Variants in ITIH2 observed in about 807,000 individuals in gnomAD.
ITIH2 encodes inter-alpha-trypsin inhibitor heavy chain 2.
In ITIH2, 103 loss-of-function variants were observed where a neutral mutation model predicts 104.4. That is an observed-to-expected ratio of 0.99 (90% CI 0.84 to 1.16). The LOEUF (loss-of-function observed/expected upper bound fraction) is 1.16. Among genes scored for constraint, ITIH2 ranks in the 50% most tolerant of loss-of-function variants. The pLI is 0.00. For missense variants in ITIH2, 1,108 were observed against 1,162.4 expected, an observed-to-expected ratio of 0.95 and a Z score of 0.68; for synonymous variants, 436 against 435.4, an observed-to-expected ratio of 1.00 and a Z score of -0.02.
At chr10:7,710,314 G>T (rs1157611008) in intron 4 of ITIH2, among the ~76,000 whole-genome samples, 2 of 152,212 alleles carry the variant, frequency 1.3e-5, no homozygotes, top group Non-Finnish European at 2.9e-5. Flanking sequence ...ATAAAAGAAG[G>T]TTAAACTACT....
chr10:7,721,511 A>C (rs1283460265), intron 7 of ITIH2, 138 bp from the exon 8 acceptor site: 2 of 701,266 alleles, frequency 2.9e-6, no homozygotes, highest in Admixed American at 2.6e-5. Context: ...CCTTCCCATC[A>C]GTAATGGGTC....
intron 8 of ITIH2, among the ~76,000 whole-genome samples, 175 bp downstream of exon 8, chr10:7,721,952 G>A (rs916695937): frequency 3.9e-5 from 6 of 152,112 alleles, no homozygotes; most frequent in Admixed American, 3.9e-4. Flanking sequence ...TATCTTTTAT[G>A]TATTAAAAAC....
rs113527063 is a variant in ITIH2, at chr10:7,731,079, C to G, written c.1462-732C>G. On this transcript the variant is annotated intron_variant, in intron 12 of 20. Transcript: ENST00000358415. ...GATTACAGGCATGTGCCACCAGGCC[C>G]GGCTAATTTTTGTATTTTTAGAAGA... 1.6e-3 allele frequency among the ~76,000 whole-genome samples: 241 copies of G among 152,102 alleles called. 3 individuals are homozygous for G. Among genetic ancestry groups the G allele is most frequent in the African/African-American group, 5.7e-3 (236 of 41,494 alleles).
Position 7,703,346 on chromosome 10 carries a change from G to A in ITIH2, c.-89G>A. ...TTCTTAAAGCGAACTGTACTCCTCT[G>A]CTGTTCCTTTGAACTTGGTTCAGTA... On this transcript the variant is annotated 5_prime_UTR_variant, in exon 1 of 21. Transcript: ENST00000358415. The A allele has an allele frequency of 2.4e-6, 2 of 834,846 alleles. No homozygotes were observed. Among genetic ancestry groups the A allele is most frequent in the Non-Finnish European group, 4.2e-6 (2 of 477,554 alleles). 51.7% of individuals were successfully genotyped at this position (834,846 alleles called of 1,614,324 possible). A position where few individuals can be genotyped will look rare whatever the true frequency, so the allele number is the denominator to read the frequency against.
At chr10:7,735,540 C>A (rs1389636022) in intron 15 of ITIH2, among the ~76,000 whole-genome samples, 1 of 152,136 alleles carries the variant, frequency 6.6e-6, no homozygotes, top group Non-Finnish European at 1.5e-5. Flanking sequence ...CATCTCACTG[C>A]AACCTCCAAT....
Position 7,730,017 on chromosome 10 carries a change from T to C in ITIH2, c.1345T>C (p.Phe449Leu). Residue 449 changes from phenylalanine to leucine, a missense_variant, in exon 12 of 21, where the codon TTC becomes CTC. By Grantham distance (22) the Phe-to-Leu change is conservative. Coordinates refer to ENST00000358415, the MANE Select transcript of ITIH2 (RefSeq NM_002216.3). The stretch of plus-strand genomic sequence containing the variant: ...GAACATCCAAGACAATATCTCCTTG[T>C]TCAGTTTGGGCATGGGATTTGATGT... ...KENIQDNISL[F>L]SLGMGFDVDY... 1 of 1,613,272 alleles carries C rather than the reference T, an allele frequency of 6.2e-7. No individual in the cohort carries two copies. Among genetic ancestry groups the C allele is most frequent in the Non-Finnish European group, 8.5e-7 (1 of 1,179,388 alleles).
At position 7,748,029 on chromosome 10, in the gene ITIH2, A is replaced by C. The variant is rs561539973; in HGVS notation, c.2694-1158A>C. The stretch of plus-strand genomic sequence containing the variant: ...AAGACCAACTTGCCAACATGTTGAA[A>C]CCCCCCCCATCTCTACTAAAAATAC... On this transcript the variant is annotated intron_variant, in intron 20 of 20. Transcript: ENST00000358415. Among the ~76,000 whole-genome samples, 26 of 147,832 alleles carry C rather than the reference A, an allele frequency of 1.8e-4. No individual in the cohort carries two copies. The South Asian group carries it at 3.5e-3, about 20-fold the overall frequency.
At chr10:7,742,288 G>T (rs1413522701) in intron 16 of ITIH2, among the ~76,000 whole-genome samples, 3 of 152,054 alleles carry the variant, frequency 2.0e-5, no homozygotes, top group African/African-American at 7.2e-5. Flanking sequence ...GGGAAGCAAG[G>T]AAGGATTATC....
At chr10:7,710,911 G>C (rs1834791222) in intron 4 of ITIH2, among the ~76,000 whole-genome samples, 1 of 149,542 alleles carries the variant, frequency 6.7e-6, no homozygotes, top group African/African-American at 2.5e-5. Context: ...TCTTATTTCT[G>C]TTTTCCTTCT....
chr10:7,705,665 T>C (rs1397058170), intron 2 of ITIH2, among the ~76,000 whole-genome samples: 1 of 141,366 alleles, frequency 7.1e-6, no homozygotes, highest in Non-Finnish European at 1.5e-5. Flanking sequence ...TGCACCAGCC[T>C]GGGCAACAGA....
intron 11 of ITIH2, 93 bp downstream of exon 11, chr10:7,727,921 G>A: frequency 7.1e-7 from 1 of 1,409,764 alleles, no homozygotes; most frequent in South Asian, 1.2e-5. Context: ...AATGGCATTT[G>A]CCTGAGTTTC....
At chr10:7,735,190 C>A in intron 15 of ITIH2, 99 bp downstream of exon 15, 1 of 1,129,400 alleles carries the variant, frequency 8.9e-7, no homozygotes, top group Non-Finnish European at 1.2e-6. Context: ...CCCAGCCCAC[C>A]TCTTGCTCCC....
Position 7,709,123 on chromosome 10 carries a change from C to T in ITIH2, c.294C>T (p.Ser98=). The change falls in exon 4 of 21, where the codon TCC becomes TCT. Residue 98 remains serine, a synonymous_variant. Coordinates refer to ENST00000358415, the MANE Select transcript of ITIH2 (RefSeq NM_002216.3). ...TMIQSKVVNN[S]PQPQNVVFDV... is the part of the protein sequence containing the mutation. Reference sequence around the variant, plus strand: ...TCCAGAGCAAAGTGGTGAACAATTCCCCGCAGCCTCAGAATGTCGTGTTTG... The same window carrying T: ...TCCAGAGCAAAGTGGTGAACAATTCTCCGCAGCCTCAGAATGTCGTGTTTG... 1 of 1,614,014 alleles carries T rather than the reference C, an allele frequency of 6.2e-7. No individual in the cohort carries two copies. Among genetic ancestry groups the T allele is most frequent in the Non-Finnish European group, 8.5e-7 (1 of 1,180,002 alleles).
intron 6 of ITIH2, 147 bp downstream of exon 6, chr10:7,717,935 G>T: frequency 1.3e-6 from 1 of 760,864 alleles, no homozygotes; most frequent in Non-Finnish European, 2.1e-6. Flanking sequence ...AAGATGGTGG[G>T]TTTGGAGTCA....
chr10:7,723,019 G>C (rs555500210), intron 8 of ITIH2, among the ~76,000 whole-genome samples: 186 of 151,870 alleles, frequency 1.2e-3, no homozygotes, highest in Non-Finnish European at 1.5e-3. Flanking sequence ...GTGGAGTGGA[G>C]TGGCGTGCAG....
In ITIH2 at chr10:7,731,993, T is replaced by G; in HGVS notation, c.1644T>G (p.Thr548=). Residue 548 remains threonine (T), a synonymous_variant, in exon 13 of 21, where the codon ACT becomes ACG. Coordinates refer to ENST00000358415, the MANE Select transcript of ITIH2 (RefSeq NM_002216.3). The part of the protein sequence containing the change: ...LDQIESVITA[T]SANTQLVLET... ...AAATAGAGAGCGTTATCACGGCGACTTCGGTACTTCCACTTATCCATTTAT... is the reference window on the plus strand; with the variant it reads ...AAATAGAGAGCGTTATCACGGCGACGTCGGTACTTCCACTTATCCATTTAT... 4 of 1,611,776 alleles carry G rather than the reference T, an allele frequency of 2.5e-6. No individual in the cohort carries two copies. The highest frequency in any genetic ancestry group is 3.4e-6 in the Non-Finnish European group (4 of 1,178,206).
At chr10:7,707,344 C>T (rs551286003) in intron 3 of ITIH2, 111 bp downstream of exon 3, 17 of 774,452 alleles carry the variant, frequency 2.2e-5, no homozygotes, top group Middle Eastern at 2.5e-4. Context: ...ACCTGACTTT[C>T]GAAATACTGC....
chr10:7,733,244 T>A (rs1174896130), intron 14 of ITIH2, among the ~76,000 whole-genome samples: 1 of 152,160 alleles, frequency 6.6e-6, no homozygotes, highest in Non-Finnish European at 1.5e-5. Context: ...CTGGCTTCTT[T>A]CACTCAATAT....
At chr10:7,705,904 T>C (rs886835540) in intron 2 of ITIH2, among the ~76,000 whole-genome samples, 6 of 152,000 alleles carry the variant, frequency 3.9e-5, no homozygotes, top group Admixed American at 3.9e-4. Flanking sequence ...ATTGGCCACA[T>C]TGGAAGTTGC....
Sources: allele counts gnomAD v4.1 joint callset (sites outside exome capture counted in the v4.1 genomes callset), GRCh38; gene constraint gnomAD v4.1.1; transcripts MANE v1.5; gene names NCBI Gene and HGNC (gene_info 2026-07-23, HGNC 2026-07-21).